ZNF608: variants seen among roughly 807,000 people sequenced by gnomAD.
The protein encoded by ZNF608 is zinc finger protein 608, also known as renal carcinoma antigen NY-REN-36.
A neutral mutation model predicts 109.0 loss-of-function variants in ZNF608; 12 were observed. The observed-to-expected ratio is 0.11, with a 90% confidence interval of 0.07 to 0.18. The LOEUF (loss-of-function observed/expected upper bound fraction) is 0.18, where lower values mean the gene tolerates loss of function less well. ZNF608 is among the 10% of genes least tolerant of loss of function. The probability of loss-of-function intolerance (pLI) is 1.00; values close to 1 mark genes in which losing one functional copy is unlikely to be tolerated. For missense variants in ZNF608, 1,707 were observed against 1,879.3 expected, an observed-to-expected ratio of 0.91 and a Z score of 1.70; for synonymous variants, 732 against 717.4, an observed-to-expected ratio of 1.02 and a Z score of -0.33.
At chr5:124,727,087 C>T (rs1420120697) in intron 2 of ZNF608, among the ~76,000 whole-genome samples, 6 of 152,206 alleles carry the variant, frequency 3.9e-5, no homozygotes, top group Admixed American at 1.3e-4. Context: ...CATCCCTTTA[C>T]CTATAGTTCC....
At chr5:124,747,966 T>C (rs886165859), upstream of ZNF608, among the ~76,000 whole-genome samples, 3 of 152,314 alleles carry the variant, frequency 2.0e-5, 1 homozygote. Context: ...TGTTACTATT[T>C]GTGGGTTTGT....
At chr5:124,659,766 TA>T (rs1276883144) in intron 3 of ZNF608, among the ~76,000 whole-genome samples, 1 of 152,200 alleles carries the variant, frequency 6.6e-6, no homozygotes, top group East Asian at 1.9e-4. Flanking sequence ...AGTAATTTCT[TA>T]CCATCCCCAG....
Position 124,741,109 on chromosome 5 carries a change from C to A in ZNF608, c.906+2975G>T, listed in dbSNP as rs557971851. Among the ~76,000 whole-genome samples, 24 of 152,238 alleles carry A rather than the reference C, an allele frequency of 1.6e-4. No homozygotes were observed. The East Asian group carries it at 4.1e-3, about 26-fold the overall frequency. On this transcript the variant is annotated intron_variant, in intron 2 of 9. Transcript: ENST00000513986. ...ACTGGTGGCTTAACCACAAAATGGG[C>A]TACAGAAATATAGCTCAAACATCTT...
Position 124,746,511 on chromosome 5 carries a change from T to G in ZNF608, c.-500A>C, listed in dbSNP as rs1266164264. 16 of 985,218 alleles carry G rather than the reference T, an allele frequency of 1.6e-5. No individual in the cohort carries two copies. The highest frequency in any genetic ancestry group is 1.9e-5 in the Non-Finnish European group (16 of 829,904). The allele number at this position is 985,218 out of a possible 1,614,324, so 61.0% of individuals were successfully genotyped here. On this transcript the variant is annotated 5_prime_UTR_variant, in exon 1 of 10. Coordinates refer to ENST00000513986, the MANE Select transcript of ZNF608 (RefSeq NM_020747.3). Reference sequence around the variant, plus strand: ...TTAACAAGCATCGAGAATAATAGTTTTTTAAAAAACAGAGAGTTTAGAGAA... The same window carrying G: ...TTAACAAGCATCGAGAATAATAGTTGTTTAAAAAACAGAGAGTTTAGAGAA...
At chr5:124,667,781 C>T (rs1276397491) in intron 3 of ZNF608, among the ~76,000 whole-genome samples, 1 of 152,098 alleles carries the variant, frequency 6.6e-6, no homozygotes, top group African/African-American at 2.4e-5. Context: ...ATCGTACAAC[C>T]GAGGTACAAG....
At chr5:124,681,853 A>T (rs755991220) in intron 3 of ZNF608, among the ~76,000 whole-genome samples, 1 of 152,216 alleles carries the variant, frequency 6.6e-6, no homozygotes, top group Admixed American at 6.5e-5. Context: ...CAAATACAAG[A>T]TCTGAAATCA....
At chr5:124,670,909 C>T (rs1751688134) in intron 3 of ZNF608, among the ~76,000 whole-genome samples, 1 of 152,130 alleles carries the variant, frequency 6.6e-6, no homozygotes, top group Admixed American at 6.5e-5. Flanking sequence ...AGATAGAAAA[C>T]TTTCTACCCC....
At position 124,637,774 on chromosome 5, in the gene ZNF608, C is replaced by T. The variant is rs1750042683; in HGVS notation, c.*126G>A. 2.1e-6 allele frequency: 2 copies of T among 936,060 alleles called. No homozygotes were observed. Among genetic ancestry groups the T allele is most frequent in the Admixed American group, 5.3e-5 (2 of 37,886 alleles). The allele number at this position is 936,060 out of a possible 1,614,324, so 58.0% of individuals were successfully genotyped here. A position where few individuals can be genotyped will look rare whatever the true frequency, so the allele number is the denominator to read the frequency against. On this transcript the variant is annotated 3_prime_UTR_variant, in exon 10 of 10. Transcript: ENST00000513986. ...ACTCTGTGATAAAATCTGTAATTTA[C>T]AAAAATGAAATGACTGGTTTTTGCC...
At chr5:124,650,437 G>A (rs1023731869) in intron 3 of ZNF608, among the ~76,000 whole-genome samples, 2 of 152,158 alleles carry the variant, frequency 1.3e-5, no homozygotes, top group Non-Finnish European at 2.9e-5. Flanking sequence ...ACTTTGGTAC[G>A]CATTTGCCTC....
At chr5:124,740,742 C>A (rs1054160301) in intron 2 of ZNF608, among the ~76,000 whole-genome samples, 1 of 152,182 alleles carries the variant, frequency 6.6e-6, no homozygotes, top group Non-Finnish European at 1.5e-5. Context: ...AGAAATAATT[C>A]TCTTCCCTGA....
intron 3 of ZNF608, among the ~76,000 whole-genome samples, chr5:124,691,748 G>A (rs911560716): frequency 3.9e-5 from 6 of 152,154 alleles, no homozygotes; most frequent in African/African-American, 1.4e-4. Context: ...CATATATGAT[G>A]TATCTAAAGT....
At chr5:124,668,694 G>A (rs1352637026) in intron 3 of ZNF608, among the ~76,000 whole-genome samples, 2 of 152,090 alleles carry the variant, frequency 1.3e-5, no homozygotes, top group East Asian at 3.9e-4. Flanking sequence ...TTCCTTTAAC[G>A]CCCATCACAC....
intron 3 of ZNF608, among the ~76,000 whole-genome samples, chr5:124,665,567 C>T (rs1286319193): frequency 1.3e-5 from 2 of 152,026 alleles, no homozygotes; most frequent in African/African-American, 2.4e-5. Flanking sequence ...AATAATCTGA[C>T]GATATAGCTG....
At chr5:124,682,935 T>G (rs566834276) in intron 3 of ZNF608, among the ~76,000 whole-genome samples, 5 of 152,264 alleles carry the variant, frequency 3.3e-5, no homozygotes, top group Middle Eastern at 3.4e-3. Context: ...CTGAACTTAC[T>G]TATAACGAAC....
chr5:124,720,206 G>A (rs1051340286), intron 2 of ZNF608, among the ~76,000 whole-genome samples: 9 of 152,190 alleles, frequency 5.9e-5, no homozygotes, highest in Non-Finnish European at 8.8e-5. Context: ...TTATCTGAGC[G>A]AATGTATTTG....
At chr5:124,673,586 T>C (rs559309126) in intron 3 of ZNF608, among the ~76,000 whole-genome samples, 8 of 152,122 alleles carry the variant, frequency 5.3e-5, no homozygotes, top group Non-Finnish European at 1.0e-4. Flanking sequence ...GTTGTTCATT[T>C]CTCTTTTTTA....
At chr5:124,743,956 C>G in intron 2 of ZNF608, 128 bp downstream of exon 2, 1 of 1,320,010 alleles carries the variant, frequency 7.6e-7, no homozygotes, top group Non-Finnish European at 1.0e-6. Flanking sequence ...ATAAAGGATG[C>G]ATATCATAGA....
chr5:124,733,567 A>G (rs1749007187), intron 2 of ZNF608, among the ~76,000 whole-genome samples: 2 of 152,186 alleles, frequency 1.3e-5, no homozygotes, highest in South Asian at 4.1e-4. Flanking sequence ...AAGCCGGGGC[A>G]GACTGACCTC....
intron 2 of ZNF608, among the ~76,000 whole-genome samples, chr5:124,713,779 G>C (rs1243662440): frequency 6.6e-6 from 1 of 152,198 alleles, no homozygotes; most frequent in Non-Finnish European, 1.5e-5. Context: ...GGTGGAGAGG[G>C]GGAGGGGAAG....
Sources: allele counts gnomAD v4.1 joint callset (sites outside exome capture counted in the v4.1 genomes callset), GRCh38; gene constraint gnomAD v4.1.1; transcripts MANE v1.5; gene names NCBI Gene and HGNC (gene_info 2026-07-23, HGNC 2026-07-21).